NT5DC1: variants seen among roughly 807,000 people sequenced by gnomAD.
The protein encoded by NT5DC1 is 5'-nucleotidase domain containing 1.
Under a neutral mutation model 59.4 loss-of-function variants are expected in NT5DC1, and 42 were observed. The ratio of observed to expected loss-of-function variants is 0.71; its 90% CI spans 0.55 to 0.92. The LOEUF is 0.92. Ranked by LOEUF, NT5DC1 falls within the 40% of genes least tolerant of loss-of-function variation. NT5DC1 has a pLI of 0.00. For synonymous variants in NT5DC1, 172 were observed against 188.1 expected, an observed-to-expected ratio of 0.91 and a Z score of 0.70; for missense variants, 501 against 537.1, an observed-to-expected ratio of 0.93 and a Z score of 0.66.
intron 6 of NT5DC1, chr6:116,145,379 TA>T: frequency 3.2e-6 from 1 of 317,204 alleles, no homozygotes. Flanking sequence ...AAATTGATGG[TA>T]AGAAGAAATG....
At chr6:116,221,566 G>A (rs1781806425) in intron 7 of NT5DC1, among the ~76,000 whole-genome samples, 1 of 152,182 alleles carries the variant, frequency 6.6e-6, no homozygotes, top group African/African-American at 2.4e-5. Context: ...CTGAGTTGTA[G>A]GTTATACTCC....
intron 6 of NT5DC1, among the ~76,000 whole-genome samples, chr6:116,134,157 G>A (rs1250320880): frequency 1.3e-5 from 2 of 152,322 alleles, no homozygotes; most frequent in African/African-American, 4.8e-5. Flanking sequence ...TGGTGATGAT[G>A]ACCATACTGG....
rs867567767 is a variant in NT5DC1, at chr6:116,238,890, C to T, written c.1084-65C>T. The T allele has an allele frequency of 3.8e-6, 4 of 1,058,726 alleles. No homozygotes were observed. The Middle Eastern group carries it at 8.7e-4, about 230-fold the overall frequency. The allele number at this position is 1,058,726 out of a possible 1,614,324, so 65.6% of individuals were successfully genotyped here. A position where few individuals can be genotyped will look rare whatever the true frequency, so the allele number is the denominator to read the frequency against. ...TCAAAGTTTTTATTTACTTAATAGA[C>T]AAAAAAATTATGAGATTGAACATTA... is the stretch of plus-strand genomic sequence containing the variant. On this transcript the variant is annotated intron_variant, in intron 10 of 11. Transcript: ENST00000319550.
Position 116,117,910 on chromosome 6 carries a change from C to T in NT5DC1, c.494C>T (p.Ala165Val). Residue 165 changes from alanine to valine, a missense_variant, in exon 6 of 12, where the codon GCT (alanine) becomes GTT (valine). Ala to Val is a moderately conservative substitution (Grantham distance 64). Coordinates refer to ENST00000319550, the MANE Select transcript of NT5DC1 (RefSeq NM_152729.3). The stretch of plus-strand genomic sequence containing the variant: ...GATTTTTGGAAGGATATAGTTGCTG[C>T]TATACAACACAATTATAAAATGTCA... The part of the protein sequence containing the change: ...TFDFWKDIVA[A>V]IQHNYKMSAF... 5 of 1,582,860 alleles carry T rather than the reference C, an allele frequency of 3.2e-6. No individual in the cohort carries two copies. Among genetic ancestry groups the T allele is most frequent in the Non-Finnish European group, 4.3e-6 (5 of 1,151,868 alleles).
Position 116,247,477 on chromosome 6 carries a change from G to A in NT5DC1, c.*3453G>A, listed in dbSNP as rs1771872496. On this transcript the variant is annotated 3_prime_UTR_variant, in exon 12 of 12. Coordinates refer to ENST00000319550, the MANE Select transcript of NT5DC1 (RefSeq NM_152729.3). ...GTAAATTTCCCTCACTGGTGCTGAA[G>A]TAACCAAAATGGGGAAGGAGTGATG... 6.6e-6 allele frequency: 1 copy of A among 152,122 alleles called. No homozygotes were observed. The highest frequency in any genetic ancestry group is 6.5e-5 in the Admixed American group (1 of 15,278). The allele number at this position is 152,122 out of a possible 1,614,324, so 9.4% of individuals were successfully genotyped here. A position where few individuals can be genotyped will look rare whatever the true frequency, so the allele number is the denominator to read the frequency against.
intron 6 of NT5DC1, among the ~76,000 whole-genome samples, chr6:116,130,482 T>C (rs932432579): frequency 2.0e-5 from 3 of 152,056 alleles, no homozygotes; most frequent in African/African-American, 7.2e-5. Flanking sequence ...TCTAATGTTT[T>C]GTACCTTTCG....
intron 6 of NT5DC1, among the ~76,000 whole-genome samples, chr6:116,166,571 G>A (rs779620024): frequency 5.3e-5 from 8 of 152,154 alleles, no homozygotes; most frequent in East Asian, 1.9e-4. Flanking sequence ...TCCTGGCATC[G>A]ATCTCCATTT....
At chr6:116,211,931 G>A (rs537737820) in intron 6 of NT5DC1, among the ~76,000 whole-genome samples, 9 of 152,082 alleles carry the variant, frequency 5.9e-5, no homozygotes, top group African/African-American at 2.2e-4. Flanking sequence ...GTTGCAAAGA[G>A]TATTGGGGTT....
At chr6:116,141,849 G>A (rs1209064720) in intron 6 of NT5DC1, among the ~76,000 whole-genome samples, 3 of 146,672 alleles carry the variant, frequency 2.0e-5, no homozygotes, top group Admixed American at 6.8e-5. Context: ...CTTACATAGA[G>A]TCTTATTTCA....
chr6:116,144,835 A>G (rs892585684), intron 6 of NT5DC1, among the ~76,000 whole-genome samples: 1 of 152,138 alleles, frequency 6.6e-6, no homozygotes, highest in African/African-American at 2.4e-5. Flanking sequence ...ACAAATATGC[A>G]TGATAGGAGA....
intron 4 of NT5DC1, among the ~76,000 whole-genome samples, chr6:116,111,268 C>G (rs1179222717): frequency 1.3e-5 from 2 of 152,152 alleles, no homozygotes; most frequent in African/African-American, 4.8e-5. Flanking sequence ...TTGTTTTGTC[C>G]TCAATCCTTA....
intron 10 of NT5DC1, among the ~76,000 whole-genome samples, chr6:116,238,731 T>A (rs1782172608): frequency 6.6e-6 from 1 of 152,104 alleles, no homozygotes; most frequent in Non-Finnish European, 1.5e-5. Flanking sequence ...AGTTTTCAGA[T>A]AATAACCAAT....
At chr6:116,241,429 G>T (rs1771712484) in intron 11 of NT5DC1, among the ~76,000 whole-genome samples, 1 of 152,016 alleles carries the variant, frequency 6.6e-6, no homozygotes, top group African/African-American at 2.4e-5. Context: ...TGCCAGAGTG[G>T]GGCAGCAAAA....
chr6:116,203,959 A>G (rs1484167204), intron 6 of NT5DC1, among the ~76,000 whole-genome samples: 10 of 151,938 alleles, frequency 6.6e-5, no homozygotes, highest in African/African-American at 2.4e-4. Flanking sequence ...TAGACGACAG[A>G]TGCCCTGACA....
chr6:116,113,141 AG>A (rs2114905328), intron 4 of NT5DC1, among the ~76,000 whole-genome samples: 1 of 152,360 alleles, frequency 6.6e-6, no homozygotes, highest in South Asian at 2.1e-4. Flanking sequence ...GGAAATCACA[AG>A]GGGCTTAGTG....
chr6:116,153,095 A>G (rs1780090109), intron 6 of NT5DC1, among the ~76,000 whole-genome samples: 1 of 151,928 alleles, frequency 6.6e-6, no homozygotes, highest in Admixed American at 6.6e-5. Context: ...AAAATCCCTG[A>G]TATATTAATA....
chr6:116,219,118 A>G (rs1317044931), intron 6 of NT5DC1, among the ~76,000 whole-genome samples: 9 of 152,138 alleles, frequency 5.9e-5, no homozygotes, highest in Admixed American at 5.9e-4. Flanking sequence ...ATCGTGCCAC[A>G]CTGCACTCCA....
intron 8 of NT5DC1, among the ~76,000 whole-genome samples, chr6:116,225,588 G>A (rs138261608): frequency 7.9e-5 from 12 of 152,316 alleles, no homozygotes; most frequent in African/African-American, 2.9e-4. Flanking sequence ...CTTCCCTGGG[G>A]TGGACAAGAT....
chr6:116,221,088 A>T lies in NT5DC1; in HGVS notation c.564A>T (p.Arg188Ser), dbSNP rs779880751. 2.6e-6 allele frequency: 4 copies of T among 1,547,448 alleles called. No homozygotes were observed. Among genetic ancestry groups the T allele is most frequent in the Non-Finnish European group, 3.5e-6 (4 of 1,127,054 alleles). ...GAATATATTTTCCAGAAATAAAAAG[A>T]GATCCAGGCAGATATTTACATAGTT... ...NCGIYFPEIK[R>S]DPGRYLHSCP... The change falls in exon 7 of 12, where the codon AGA (arginine) becomes AGT (serine). Residue 188 changes from arginine (R) to serine (S), a missense_variant. Physicochemically the swap from Arg to Ser is moderately radical, Grantham distance 110. Coordinates refer to ENST00000319550, the MANE Select transcript of NT5DC1 (RefSeq NM_152729.3).
Sources: allele counts gnomAD v4.1 joint callset (sites outside exome capture counted in the v4.1 genomes callset), GRCh38; gene constraint gnomAD v4.1.1; transcripts MANE v1.5; gene names NCBI Gene and HGNC (gene_info 2026-07-23, HGNC 2026-07-21).